The following SMG6 variants were observed in gnomAD, a reference collection of about 807,000 sequenced individuals.
SMG6 encodes telomerase-binding protein EST1A.
Under a neutral mutation model 142.2 loss-of-function variants are expected in SMG6, and 66 were observed. That is an observed-to-expected ratio of 0.46 (90% CI 0.38 to 0.57). The LOEUF is 0.57. Among genes scored for constraint, SMG6 ranks in the 20% least tolerant of loss-of-function variants. The pLI is 0.00. For missense variants in SMG6, 1,793 were observed against 1,832.0 expected (o/e 0.98, Z 0.39); for synonymous variants, 779 against 702.4 (o/e 1.11, Z -1.72).
At chr17:2,152,270 A>G (rs1468143795) in intron 13 of SMG6, among the ~76,000 whole-genome samples, 3 of 152,204 alleles carry the variant, frequency 2.0e-5, no homozygotes, top group Non-Finnish European at 4.4e-5. Context: ...TTCATTTTAA[A>G]TAAACAGCTT....
intron 10 of SMG6, among the ~76,000 whole-genome samples, chr17:2,234,894 G>C (rs2073605957): frequency 6.6e-6 from 1 of 152,154 alleles, no homozygotes; most frequent in South Asian, 2.1e-4. Context: ...TTAAAGGCAG[G>C]TCCTTTACAT....
In SMG6 at chr17:2,300,035, A is replaced by T. The variant is rs189565589; in HGVS notation, c.718T>A (p.Ser240Thr). 5 of 1,614,112 alleles carry T rather than the reference A, an allele frequency of 3.1e-6. No homozygotes were observed. The highest frequency in any genetic ancestry group is 3.3e-5 in the Admixed American group (2 of 60,022). ...HDDPARGRPG[S>T]AKRYSRSDKR... ...TCTGAGCGGGAGTAGCGCTTTGCGG[A>T]GCCCGGCCTCCCGCGGGCTGGGTCG... is the stretch of plus-strand genomic sequence containing the variant. The change falls in exon 2 of 19, where the codon TCC (serine) becomes ACC (threonine). Residue 240 changes from serine (S) to threonine (T), a missense_variant. Physicochemically the swap from Ser to Thr is moderately conservative, Grantham distance 58 (BLOSUM62 1). Transcript: ENST00000263073.
Position 2,068,687 on chromosome 17 carries a change from C to A in SMG6, c.3835+91G>T, listed in dbSNP as rs1161192215. ...CCCATCTTACACACGCACAGCAGGG[C>A]TCTGCCTGCCTGGCCCCCAGGCCGT... On this transcript the variant is annotated intron_variant, in intron 16 of 18. Coordinates refer to ENST00000263073, the MANE Select transcript of SMG6 (RefSeq NM_017575.5). The surrounding 1 kb of genome is among the most constrained non-coding windows in gnomAD (Gnocchi z 6.7). The A allele has an allele frequency of 2.2e-6, 3 of 1,374,576 alleles. No individual in the cohort carries two copies. Among genetic ancestry groups the A allele is most frequent in the Non-Finnish European group, 3.0e-6 (3 of 1,000,888 alleles). The allele number at this position is 1,374,576 out of a possible 1,614,324, so 85.1% of individuals were successfully genotyped here.
intron 4 of SMG6, among the ~76,000 whole-genome samples, chr17:2,293,228 G>A (rs900063716): frequency 2.0e-5 from 3 of 152,116 alleles, no homozygotes; most frequent in Admixed American, 6.6e-5. Context: ...GAGAGAGGGT[G>A]ATTCTTGAGT....
chr17:2,172,927 T>C (rs1005573057), intron 12 of SMG6, 68 bp from the exon 13 acceptor site: 1 of 1,450,530 alleles, frequency 6.9e-7, no homozygotes, highest in Non-Finnish European at 9.6e-7. Flanking sequence ...ATTCTCAGTA[T>C]TTGTGAGCAG....
At chr17:2,144,977 G>C (rs1266108226) in intron 13 of SMG6, among the ~76,000 whole-genome samples, 1 of 152,130 alleles carries the variant, frequency 6.6e-6, no homozygotes, top group East Asian at 1.9e-4. Flanking sequence ...ATCAGGGCAA[G>C]CACCAGCCAG....
At chr17:2,103,381 G>C (rs1452678424) in intron 13 of SMG6, among the ~76,000 whole-genome samples, 1 of 152,186 alleles carries the variant, frequency 6.6e-6, no homozygotes, top group African/African-American at 2.4e-5. Context: ...GGGTGGTATA[G>C]GTTACTCTCA....
intron 15 of SMG6, among the ~76,000 whole-genome samples, chr17:2,070,122 G>A (rs570936914): frequency 1.3e-5 from 2 of 152,240 alleles, no homozygotes; most frequent in Non-Finnish European, 2.9e-5. Context: ...CCTTCCCTGT[G>A]GACTTTCACA....
chr17:2,157,628 A>G (rs2071047340), intron 13 of SMG6, among the ~76,000 whole-genome samples: 1 of 152,156 alleles, frequency 6.6e-6, no homozygotes, highest in Admixed American at 6.5e-5. Context: ...GCCAAAACCA[A>G]TCCTGTCTAG....
intron 13 of SMG6, among the ~76,000 whole-genome samples, chr17:2,150,612 T>C (rs1446984036): frequency 6.6e-6 from 1 of 152,140 alleles, no homozygotes; most frequent in Non-Finnish European, 1.5e-5. Flanking sequence ...TGGCCCTCGA[T>C]GCTATGGAAG....
chr17:2,070,714 G>A (rs972407707), intron 15 of SMG6, among the ~76,000 whole-genome samples: 1 of 152,204 alleles, frequency 6.6e-6, no homozygotes, highest in African/African-American at 2.4e-5. Context: ...TGGCAGGCAT[G>A]AGAAATGCAG....
At chr17:2,150,387 G>GC (rs2070790047) in intron 13 of SMG6, among the ~76,000 whole-genome samples, 2 of 152,192 alleles carry the variant, frequency 1.3e-5, no homozygotes, top group South Asian at 4.1e-4. Context: ...AGTATCAAGG[G>GC]CCCAATACCA....
At chr17:2,228,115 G>A (rs2073369216) in intron 10 of SMG6, among the ~76,000 whole-genome samples, 1 of 152,214 alleles carries the variant, frequency 6.6e-6, no homozygotes, top group African/African-American at 2.4e-5. Flanking sequence ...CCAGGCTGGA[G>A]TGCAGTGGTG....
intron 10 of SMG6, among the ~76,000 whole-genome samples, chr17:2,208,336 T>A (rs1366491666): frequency 6.6e-6 from 1 of 152,124 alleles, no homozygotes; most frequent in African/African-American, 2.4e-5. Flanking sequence ...GGCCTCCTCC[T>A]CTGGATTCTG....
intron 9 of SMG6, chr17:2,239,897 C>G (rs2073759189): frequency 6.6e-6 from 1 of 152,102 alleles, no homozygotes; most frequent in Non-Finnish European, 1.5e-5. Context: ...CATGACTAGG[C>G]AAGCAAGTAA....
At chr17:2,079,990 G>A (rs1054425430) in intron 15 of SMG6, among the ~76,000 whole-genome samples, 3 of 151,926 alleles carry the variant, frequency 2.0e-5, no homozygotes, top group Non-Finnish European at 2.9e-5. Context: ...CAGGAGAATC[G>A]TTTCAACCCG....
At chr17:2,139,812 A>C (rs1597456089) in intron 13 of SMG6, among the ~76,000 whole-genome samples, 1 of 147,342 alleles carries the variant, frequency 6.8e-6, no homozygotes, top group East Asian at 2.0e-4. Context: ...TGTCACCTCT[A>C]CCTCCTGAGT....
chr17:2,088,589 G>T, intron 13 of SMG6: 4 of 985,452 alleles, frequency 4.1e-6, no homozygotes, highest in Non-Finnish European at 4.8e-6. Flanking sequence ...GGCCTGGAAA[G>T]GATTCTACCT....
Position 2,061,452 on chromosome 17 carries a change from A to AG in SMG6, c.*39dup, listed in dbSNP as rs1223807439. On this transcript the variant is annotated 3_prime_UTR_variant, in exon 19 of 19. Transcript: ENST00000263073. ...TACACTGGGCGCCTGGTGGCCTTTCAGGAACGGTTCCACGGGGGGGGGGCC... is the reference window on the plus strand; with the variant it reads ...TACACTGGGCGCCTGGTGGCCTTTCAGGGAACGGTTCCACGGGGGGGGGGCC... 2 of 1,503,162 alleles carry AG rather than the reference A, an allele frequency of 1.3e-6. No individual in the cohort carries two copies. The highest frequency in any genetic ancestry group is 4.1e-5 in the Admixed American group (2 of 48,472). 93.1% of individuals were successfully genotyped at this position (1,503,162 alleles called of 1,614,324 possible). A position where few individuals can be genotyped will look rare whatever the true frequency, so the allele number is the denominator to read the frequency against.
Sources: gnomAD v4.1 joint callset for allele counts (sites outside exome capture counted in the v4.1 genomes callset) on GRCh38, gnomAD v4.1.1 for gene constraint, Gnocchi (gnomAD v3.1) non-coding constraint, MANE v1.5 for transcripts, NCBI Gene and HGNC (gene_info 2026-07-23, HGNC 2026-07-21) for gene names.